CTNNA3: variants seen among roughly 807,000 people sequenced by gnomAD.
The protein encoded by CTNNA3 is catenin alpha-3.
Under a neutral mutation model 95.7 loss-of-function variants are expected in CTNNA3, and 76 were observed. The observed-to-expected ratio is 0.79, with a 90% confidence interval of 0.66 to 0.96. The LOEUF (loss-of-function observed/expected upper bound fraction) is 0.96. Ranked by LOEUF, CTNNA3 falls within the 40% of genes least tolerant of loss-of-function variation. The pLI, the probability that CTNNA3 is intolerant of heterozygous loss-of-function variation, is 0.00. For missense variants in CTNNA3, 1,191 were observed against 1,089.8 expected, an observed-to-expected ratio of 1.09 and a Z score of -1.31; for synonymous variants, 431 against 374.4, an observed-to-expected ratio of 1.15 and a Z score of -1.74.
At chr10:67,684,387 G>A in intron 1 of CTNNA3, among the ~76,000 whole-genome samples, 1 of 152,170 alleles carries the variant, frequency 6.6e-6, no homozygotes, top group Middle Eastern at 3.2e-3. Context: ...TTTACAGAGT[G>A]CTGACTGGTG....
At chr10:67,661,111 A>G (rs895025475) in intron 1 of CTNNA3, among the ~76,000 whole-genome samples, 1 of 152,106 alleles carries the variant, frequency 6.6e-6, no homozygotes, top group Non-Finnish European at 1.5e-5. Context: ...CAAATATGCA[A>G]TACATGTATA....
chr10:66,976,712 C>T (rs1200912784), intron 7 of CTNNA3, among the ~76,000 whole-genome samples: 1 of 152,186 alleles, frequency 6.6e-6, no homozygotes, highest in Non-Finnish European at 1.5e-5. Flanking sequence ...TTCGTCAATA[C>T]AATTTTATTC....
At chr10:67,445,463 C>T (rs73266276) in intron 5 of CTNNA3, among the ~76,000 whole-genome samples, 28 of 151,986 alleles carry the variant, frequency 1.8e-4, no homozygotes, top group African/African-American at 6.3e-4. Flanking sequence ...GGGGTGAACC[C>T]TTTCTTTGCC....
intron 11 of CTNNA3, among the ~76,000 whole-genome samples, chr10:66,416,108 A>T (rs1216452429): frequency 7.0e-6 from 1 of 142,588 alleles, no homozygotes; most frequent in Admixed American, 6.9e-5. Context: ...ACAAAGTGAT[A>T]GATAACGTAG....
At chr10:66,142,696 T>G (rs2083681580) in intron 13 of CTNNA3, among the ~76,000 whole-genome samples, 1 of 152,016 alleles carries the variant, frequency 6.6e-6, no homozygotes. Context: ...AAATCACAGG[T>G]TAAAACTGAT....
intron 15 of CTNNA3, among the ~76,000 whole-genome samples, chr10:65,993,344 G>T (rs755763483): frequency 1.3e-5 from 2 of 152,126 alleles, no homozygotes; most frequent in Admixed American, 6.5e-5. Flanking sequence ...GTTGAGTGTT[G>T]AAGTCTCCAA....
intron 13 of CTNNA3, among the ~76,000 whole-genome samples, chr10:66,153,848 T>TAC (rs148457020): frequency 0.089 from 13,262 of 148,942 alleles, 770 homozygotes; most frequent in African/African-American, 0.18. Flanking sequence ...ATAATTTGTT[T>TAC]ACACACACAC....
chr10:66,911,307 A>G (rs1266415649), intron 7 of CTNNA3, among the ~76,000 whole-genome samples: 1 of 152,212 alleles, frequency 6.6e-6, no homozygotes, highest in African/African-American at 2.4e-5. Context: ...TATAGTTCCC[A>G]ATATTAGTAA....
chr10:66,171,314 C>T (rs936477518), intron 13 of CTNNA3, among the ~76,000 whole-genome samples: 1 of 151,504 alleles, frequency 6.6e-6, no homozygotes, highest in South Asian at 2.1e-4. Context: ...GTGGCTCACA[C>T]CTGTAATCCC....
At position 66,280,513 on chromosome 10, in the gene CTNNA3, T is replaced by C. The variant is rs770893892; in HGVS notation, c.1841A>G (p.Tyr614Cys). The change falls in exon 13 of 18, where the codon TAT becomes TGT. Residue 614 changes from tyrosine to cysteine, a missense_variant. By Grantham distance (194) the Tyr-to-Cys change is radical. Coordinates refer to ENST00000433211, the MANE Select transcript of CTNNA3 (RefSeq NM_013266.4). ...ACATCTGATATCATGAATTGTATCA[T>C]AGATCTTCTTTGAGATGTCCACAAA... ...NQFVDISKKI[Y>C]DTIHDIRCSV... is the part of the protein sequence containing the mutation. The C allele has an allele frequency of 3.2e-5, 51 of 1,609,670 alleles. No individual in the cohort carries two copies. The highest frequency in any genetic ancestry group is 4.1e-5 in the Non-Finnish European group (48 of 1,178,118).
At chr10:67,177,124 A>G in intron 7 of CTNNA3, 1 of 364,638 alleles carries the variant, frequency 2.7e-6, no homozygotes, top group African/African-American at 2.1e-5. Context: ...TAGGGCAAAC[A>G]TACATAATCA....
chr10:66,232,343 A>C (rs1004323302), intron 13 of CTNNA3, among the ~76,000 whole-genome samples: 1 of 152,192 alleles, frequency 6.6e-6, no homozygotes, highest in Admixed American at 6.5e-5. Context: ...TAATCAACAG[A>C]GTCAATGCAA....
intron 7 of CTNNA3, among the ~76,000 whole-genome samples, chr10:66,822,697 A>C (rs958462442): frequency 6.6e-6 from 1 of 152,210 alleles, no homozygotes; most frequent in African/African-American, 2.4e-5. Context: ...TATTAAAGAA[A>C]GTTACTGCTT....
In CTNNA3 at chr10:67,379,978, G is replaced by A. The variant is rs1169900936; in HGVS notation, c.579+141864C>T. On this transcript the variant is annotated intron_variant, in intron 5 of 17. Transcript: ENST00000433211. ...GGAGCTTGCAGTGAGCCGAGATCCC[G>A]CCACTGCACTCCAGCCTGGGCGACA... 6.2e-5 allele frequency among the ~76,000 whole-genome samples: 8 copies of A among 129,780 alleles called. No individual in the cohort carries two copies. In the East Asian group the frequency reaches 1.9e-3, roughly 30 times the overall value. The allele number at this position is 129,780 out of a possible 152,430, so 85.1% of individuals were successfully genotyped here.
At chr10:65,967,199 G>T (rs2077989576) in intron 16 of CTNNA3, among the ~76,000 whole-genome samples, 1 of 151,594 alleles carries the variant, frequency 6.6e-6, no homozygotes, top group African/African-American at 2.4e-5. Context: ...CTCATGATCT[G>T]CCTGCCTTGG....
Position 67,467,303 on chromosome 10 carries a change from A to G in CTNNA3, c.579+54539T>C, listed in dbSNP as rs533929484. ...ACACATTATTGTCTTGGTAAACCAA[A>G]TATTGACAGAATCTTCCAGCTTTTT... On this transcript the variant is annotated intron_variant, in intron 5 of 17. Transcript: ENST00000433211. Among the ~76,000 whole-genome samples the G allele has an allele frequency of 2.0e-5, 3 of 152,332 alleles. No individual in the cohort carries two copies. The East Asian group carries it at 5.8e-4, about 29-fold the overall frequency.
rs548828751 is a variant in CTNNA3 at position 66,373,885 on chromosome 10, C to A, written c.1732+5267G>T. ...GCTTGCTAAAGAACCTTTTAAAAAT[C>A]TGACCCCAAGTTTTCTGGAAGTGGC... is the stretch of plus-strand genomic sequence containing the variant. On this transcript the variant is annotated intron_variant, in intron 12 of 17. Transcript: ENST00000433211. 1.7e-4 allele frequency among the ~76,000 whole-genome samples: 26 copies of A among 152,302 alleles called. No individual in the cohort carries two copies. The South Asian group carries it at 5.4e-3, about 32-fold the overall frequency.
chr10:66,595,482 G>C lies in CTNNA3; in HGVS notation c.1374+26210C>G, dbSNP rs192296796. 3.0e-4 allele frequency among the ~76,000 whole-genome samples: 45 copies of C among 151,724 alleles called. 1 individual carries two copies. Among genetic ancestry groups the C allele is most frequent in the African/African-American group, 1.1e-3 (44 of 41,374 alleles). ...CCTCAGCCTCCTGGGTATTACAGGC[G>C]CATGCCACCACATCCAGCTAATTTT... On this transcript the variant is annotated intron_variant, in intron 10 of 17. Transcript: ENST00000433211.
intron 10 of CTNNA3, among the ~76,000 whole-genome samples, chr10:66,527,740 T>C (rs980711067): frequency 3.3e-5 from 5 of 152,124 alleles, no homozygotes; most frequent in Non-Finnish European, 7.4e-5. Flanking sequence ...TTTCAGATTG[T>C]TCATTGTTCG....
Sources: gnomAD v4.1 joint callset for allele counts (sites outside exome capture counted in the v4.1 genomes callset) on GRCh38, gnomAD v4.1.1 for gene constraint, MANE v1.5 for transcripts, NCBI Gene and HGNC (gene_info 2026-07-23, HGNC 2026-07-21) for gene names.